Variants in FMN2 observed in about 807,000 individuals in gnomAD.
The protein encoded by FMN2 is formin-2.
A neutral mutation model predicts 142.3 loss-of-function variants in FMN2; 51 were observed. The ratio of observed to expected loss-of-function variants is 0.36; its 90% CI spans 0.29 to 0.45. FMN2 has a LOEUF of 0.45. Among genes scored for constraint, FMN2 ranks in the 20% least tolerant of loss-of-function variants. The pLI, the probability that FMN2 is intolerant of heterozygous loss-of-function variation, is 1.00. For synonymous variants in FMN2, 882 were observed against 869.8 expected (o/e 1.01, Z -0.25); for missense variants, 1,936 against 2,122.8 (o/e 0.91, Z 1.73).
At chr1:240,409,047 TTGA>T (rs1409534300) in intron 15 of FMN2, among the ~76,000 whole-genome samples, 2 of 152,164 alleles carry the variant, frequency 1.3e-5, no homozygotes, top group Non-Finnish European at 2.9e-5. Context: ...TCAACTGTAT[TTGA>T]AATATTTGTT....
At chr1:240,272,829 A>G (rs548279682) in intron 7 of FMN2, among the ~76,000 whole-genome samples, 1 of 152,324 alleles carries the variant, frequency 6.6e-6, no homozygotes, top group African/African-American at 2.4e-5. Flanking sequence ...TTCACGGTCA[A>G]ACATGAATAC....
intron 2 of FMN2, among the ~76,000 whole-genome samples, chr1:240,131,074 A>G (rs1255860056): frequency 6.6e-6 from 1 of 152,246 alleles, no homozygotes; most frequent in Non-Finnish European, 1.5e-5. Context: ...CAAAGTGTCC[A>G]GGATTTCTCA....
intron 2 of FMN2, among the ~76,000 whole-genome samples, chr1:240,151,949 T>G (rs1352275584): frequency 2.0e-5 from 3 of 151,968 alleles, no homozygotes; most frequent in Admixed American, 2.0e-4. Context: ...TTTCTTTAAA[T>G]AGAGATGGGG....
intron 7 of FMN2, among the ~76,000 whole-genome samples, chr1:240,266,414 T>G (rs527770877): frequency 6.6e-6 from 1 of 151,926 alleles, no homozygotes; most frequent in African/African-American, 2.4e-5. Flanking sequence ...ATGTGTGGCT[T>G]TATTTTTATT....
chr1:240,328,245 T>C lies in FMN2; in HGVS notation c.4216-831T>C, dbSNP rs1055035243. 4.6e-5 allele frequency among the ~76,000 whole-genome samples: 7 copies of C among 151,230 alleles called. No individual in the cohort carries two copies. In the East Asian group the frequency reaches 1.4e-3, roughly 29 times the overall value. ...ATGACTTAAATCATTTAATTATATTTTCCCCCAAGTACAAAAATCAATAAA... is the reference window on the plus strand; with the variant it reads ...ATGACTTAAATCATTTAATTATATTCTCCCCCAAGTACAAAAATCAATAAA... On this transcript the variant is annotated intron_variant, in intron 8 of 17. Transcript: ENST00000319653.
intron 14 of FMN2, among the ~76,000 whole-genome samples, chr1:240,368,937 A>T (rs1672769300): frequency 7.1e-6 from 1 of 141,686 alleles, no homozygotes; most frequent in Admixed American, 7.4e-5. Flanking sequence ...TGTATATTTA[A>T]AGTGTACAAC....
chr1:240,454,666 C>A (rs12691541), intron 16 of FMN2, among the ~76,000 whole-genome samples: 113,269 of 152,044 alleles, frequency 0.74, 42,360 homozygotes, highest in Middle Eastern at 0.82. Flanking sequence ...CTTTACACAT[C>A]TTGTTCTTCT....
chr1:240,465,109 C>G (rs1216600355), intron 16 of FMN2, among the ~76,000 whole-genome samples: 1 of 152,108 alleles, frequency 6.6e-6, no homozygotes, highest in Non-Finnish European at 1.5e-5. Flanking sequence ...AAGGAGAGAA[C>G]AGAGAGCTCG....
At position 240,338,793 on chromosome 1, in the gene FMN2, G is replaced by T. The variant is rs147723832; in HGVS notation, c.4765+4564G>T. 2.2e-4 allele frequency among the ~76,000 whole-genome samples: 33 copies of T among 152,240 alleles called. No individual in the cohort carries two copies. The South Asian group carries it at 6.6e-3, about 31-fold the overall frequency. On this transcript the variant is annotated intron_variant, in intron 13 of 17. Coordinates refer to ENST00000319653, the MANE Select transcript of FMN2 (RefSeq NM_020066.5). ...TTCGAGGGCATTACATTTATTGTGC[G>T]CTTTACTTCTATTATAATTACATTG...
At chr1:240,298,827 A>G (rs1245617205) in intron 8 of FMN2, among the ~76,000 whole-genome samples, 2 of 152,138 alleles carry the variant, frequency 1.3e-5, no homozygotes, top group Admixed American at 6.5e-5. Context: ...TGTCTATGTA[A>G]GACATTGTTG....
chr1:240,431,765 A>G (rs1401246070), intron 15 of FMN2, among the ~76,000 whole-genome samples: 1 of 151,548 alleles, frequency 6.6e-6, no homozygotes, highest in Non-Finnish European at 1.5e-5. Context: ...GGCAAATTAC[A>G]CTGATTGCTT....
intron 13 of FMN2, among the ~76,000 whole-genome samples, chr1:240,339,495 A>G (rs1572209698): frequency 6.6e-6 from 1 of 152,256 alleles, no homozygotes; most frequent in African/African-American, 2.4e-5. Context: ...TGGATAAGGG[A>G]ACACTACTGT....
In FMN2 at chr1:240,177,217, T is replaced by C. The variant is rs534027025; in HGVS notation, c.1783-704T>C. Among the ~76,000 whole-genome samples the C allele has an allele frequency of 1.6e-4, 24 of 152,344 alleles. No individual in the cohort carries two copies. In the South Asian group the frequency reaches 4.6e-3, roughly 29 times the overall value. On this transcript the variant is annotated intron_variant, in intron 2 of 17. Transcript: ENST00000319653. Reference sequence around the variant, plus strand: ...AATGAGCAGTTTTCCAAGGTGTTTATAGGCCATGGAGCAGGCTTCCCTGTG... The same window carrying C: ...AATGAGCAGTTTTCCAAGGTGTTTACAGGCCATGGAGCAGGCTTCCCTGTG...
chr1:240,429,064 T>C (rs775162856), intron 15 of FMN2, among the ~76,000 whole-genome samples: 2 of 152,228 alleles, frequency 1.3e-5, no homozygotes, highest in Non-Finnish European at 2.9e-5. Flanking sequence ...GTTGTACTTA[T>C]TAACTCTTGT....
chr1:240,294,633 A>T (rs2102960286), intron 7 of FMN2, among the ~76,000 whole-genome samples, 189 bp from the exon 8 acceptor site: 1 of 152,306 alleles, frequency 6.6e-6, no homozygotes, highest in Non-Finnish European at 1.5e-5. Context: ...AGCAAGTGAA[A>T]GCTTTAACAC....
At chr1:240,190,638 C>T (rs1415918297) in intron 4 of FMN2, among the ~76,000 whole-genome samples, 1 of 152,054 alleles carries the variant, frequency 6.6e-6, no homozygotes, top group Non-Finnish European at 1.5e-5. Flanking sequence ...AGGGTAGGCT[C>T]GCTATTTGAG....
chr1:240,223,863 T>C (rs1667207723), intron 6 of FMN2, among the ~76,000 whole-genome samples: 1 of 151,370 alleles, frequency 6.6e-6, no homozygotes, highest in Non-Finnish European at 1.5e-5. Flanking sequence ...TGTCTATTTG[T>C]TTCTTATCTC....
intron 7 of FMN2, among the ~76,000 whole-genome samples, chr1:240,274,848 G>T (rs1669138232): frequency 6.6e-6 from 1 of 152,124 alleles, no homozygotes; most frequent in Non-Finnish European, 1.5e-5. Context: ...CTAAGTTAAT[G>T]AAAGGTTGTC....
intron 14 of FMN2, among the ~76,000 whole-genome samples, chr1:240,376,544 T>C (rs1174842735): frequency 6.6e-6 from 1 of 152,148 alleles, no homozygotes; most frequent in Non-Finnish European, 1.5e-5. Flanking sequence ...CTATAGAATG[T>C]GTATAGACTT....
Sources: gnomAD v4.1 joint callset for allele counts (sites outside exome capture counted in the v4.1 genomes callset) on GRCh38, gnomAD v4.1.1 for gene constraint, MANE v1.5 for transcripts, NCBI Gene and HGNC (gene_info 2026-07-23, HGNC 2026-07-21) for gene names.